The following ARSG variants were observed in gnomAD, a reference collection of about 807,000 sequenced individuals.
ARSG encodes the protein ASG.
Under a neutral mutation model 50.5 loss-of-function variants are expected in ARSG, and 37 were observed. That is an observed-to-expected ratio of 0.73 (90% confidence interval 0.56 to 0.96). ARSG has a LOEUF of 0.96. Ranked by LOEUF, ARSG falls within the 50% of genes least tolerant of loss-of-function variation. The probability of loss-of-function intolerance (pLI) is 0.00; values close to 1 mark genes in which losing one functional copy is unlikely to be tolerated. For missense variants in ARSG, 629 were observed against 675.3 expected (o/e 0.93, Z 0.76); for synonymous variants, 225 against 254.6 (o/e 0.88, Z 1.11).
rs1030989128 is a variant in ARSG at position 68,307,200 on chromosome 17, T to C, written c.-294T>C. On this transcript the variant is annotated 5_prime_UTR_variant, in exon 2 of 12. Transcript: ENST00000621439. ...AATTATTGAACACGACCAGTCATTT[T>C]ACTGAGCTGCGGTGAGGAAACACTG... is the stretch of plus-strand genomic sequence containing the variant. 9 of 373,446 alleles carry C rather than the reference T, an allele frequency of 2.4e-5. No individual in the cohort carries two copies. The highest frequency in any genetic ancestry group is 4.3e-5 in the Admixed American group (1 of 23,226). The allele number at this position is 373,446 out of a possible 1,614,324, so 23.1% of individuals were successfully genotyped here. A position where few individuals can be genotyped will look rare whatever the true frequency, so the allele number is the denominator to read the frequency against.
chr17:68,316,477 A>C (rs1555768566), intron 2 of ARSG, among the ~76,000 whole-genome samples: 1 of 152,208 alleles, frequency 6.6e-6, no homozygotes, highest in East Asian at 1.9e-4. Context: ...GTAGGTGCTC[A>C]AACAATAATT....
chr17:68,265,097 T>C (rs2075130570), intron 1 of ARSG, among the ~76,000 whole-genome samples: 1 of 143,412 alleles, frequency 7.0e-6, no homozygotes, highest in South Asian at 2.2e-4. Flanking sequence ...GAGGTTGCAG[T>C]GAGCGGAGAT....
At chr17:68,377,606 A>G (rs1219065748) in intron 8 of ARSG, among the ~76,000 whole-genome samples, 2 of 152,148 alleles carry the variant, frequency 1.3e-5, no homozygotes, top group Non-Finnish European at 2.9e-5. Context: ...CCTGGCCTCT[A>G]ATGATAACCC....
intron 1 of ARSG, chr17:68,274,188 G>A (rs1178590224): frequency 2.6e-5 from 28 of 1,092,040 alleles, no homozygotes; most frequent in Middle Eastern, 2.9e-4. Flanking sequence ...AAATATGGCC[G>A]AGCGCAGTGG....
At position 68,307,660 on chromosome 17, in the gene ARSG, C is replaced by G; in HGVS notation, c.167C>G (p.Ala56Gly). 1 of 1,610,788 alleles carries G rather than the reference C, an allele frequency of 6.2e-7. No individual in the cohort carries two copies. The highest frequency in any genetic ancestry group is 8.5e-7 in the Non-Finnish European group (1 of 1,177,036). Reference protein sequence around the residue: ...MGWGDLGANWAETKDTANLDK... With the variant: ...MGWGDLGANWGETKDTANLDK... ...TGGGGTGACCTGGGAGCAAACTGGGCAGAAACAAAGGACACTGCCAACCTT... is the reference window on the plus strand; with the variant it reads ...TGGGGTGACCTGGGAGCAAACTGGGGAGAAACAAAGGACACTGCCAACCTT... The change falls in exon 2 of 12, where the codon GCA becomes GGA. Residue 56 changes from alanine to glycine, a missense_variant. Coordinates refer to ENST00000621439, the MANE Select transcript of ARSG (RefSeq NM_001267727.2).
Position 68,275,000 on chromosome 17 carries a change from G to A in ARSG, c.-552+15574G>A, listed in dbSNP as rs540145581. 8.5e-5 allele frequency among the ~76,000 whole-genome samples: 13 copies of A among 152,220 alleles called. No individual in the cohort carries two copies. In the South Asian group the frequency reaches 2.5e-3, roughly 29 times the overall value. ...TCTCCATGTTGGTCAGGCTGGTCTCGAACTACTGACCTCAGGTGATCCGCC... is the reference window on the plus strand; with the variant it reads ...TCTCCATGTTGGTCAGGCTGGTCTCAAACTACTGACCTCAGGTGATCCGCC... On this transcript the variant is annotated intron_variant, in intron 1 of 11. Transcript: ENST00000448504.
chr17:68,318,376 A>T lies in ARSG; in HGVS notation c.218+10665A>T, dbSNP rs140573589. ...TGGTTTCACCTGTGATAAACAAGTG[A>T]CATTATTTCTTGAAAATTCTCAGGC... On this transcript the variant is annotated intron_variant, in intron 2 of 11. Coordinates refer to ENST00000621439, the MANE Select transcript of ARSG (RefSeq NM_001267727.2). Among the ~76,000 whole-genome samples, 345 of 152,348 alleles carry T rather than the reference A, an allele frequency of 2.3e-3. 1 individual carries two copies. Among genetic ancestry groups the T allele is most frequent in the African/African-American group, 7.8e-3 (324 of 41,570 alleles).
the ARSG span, chr17:68,436,354 T>G: frequency 5.3e-5 from 85 of 1,605,090 alleles, no homozygotes; most frequent in African/African-American, 9.2e-4. Context: ...GCAGGTGGGT[T>G]GGCTCAGCCA....
At chr17:68,369,539 C>CA (rs571525030) in intron 7 of ARSG, among the ~76,000 whole-genome samples, 6,338 of 132,622 alleles carry the variant, frequency 0.048, 323 homozygotes, top group Admixed American at 0.13. Flanking sequence ...GACTCTGTCT[C>CA]AAAAAAAAAA....
At chr17:68,411,006 TTCTC>T (rs1010111106) in intron 11 of ARSG, among the ~76,000 whole-genome samples, 2 of 151,862 alleles carry the variant, frequency 1.3e-5, no homozygotes, top group Non-Finnish European at 2.9e-5. Context: ...TATTTGATTC[TTCTC>T]TCTTTTTTTC....
intron 1 of ARSG, among the ~76,000 whole-genome samples, chr17:68,298,305 A>G (rs1477299917): frequency 6.6e-6 from 1 of 152,104 alleles, no homozygotes; most frequent in African/African-American, 2.4e-5. Flanking sequence ...ATGCCATAAT[A>G]AAATACCATG....
the ARSG span, chr17:68,444,519 A>G: frequency 6.2e-7 from 1 of 1,613,994 alleles, no homozygotes. Context: ...AATATCCAGG[A>G]GGGTCTTCAA....
chr17:68,398,243 A>G (rs936561176), intron 10 of ARSG, among the ~76,000 whole-genome samples: 2 of 152,212 alleles, frequency 1.3e-5, no homozygotes, highest in Non-Finnish European at 2.9e-5. Context: ...TATACACTAT[A>G]CATGTGTACA....
At chr17:68,417,557 A>G (rs2082450723) in intron 11 of ARSG, among the ~76,000 whole-genome samples, 1 of 151,638 alleles carries the variant, frequency 6.6e-6, no homozygotes, top group Non-Finnish European at 1.5e-5. Context: ...CAATTTGTCA[A>G]TTACAGTTCA....
the ARSG span, among the ~76,000 whole-genome samples, chr17:68,433,760 G>GTTTTT: frequency 4.4e-4 from 32 of 72,824 alleles, 4 homozygotes; most frequent in African/African-American, 2.0e-3. Context: ...AAGGGTCATA[G>GTTTTT]TTTTTTTTTT....
intron 1 of ARSG, chr17:68,274,359 G>C (rs1385657330): frequency 4.3e-6 from 1 of 233,992 alleles, no homozygotes; most frequent in African/African-American, 2.2e-5. Context: ...CCAGCTACTT[G>C]GCAGGCAGAG....
intron 2 of ARSG, among the ~76,000 whole-genome samples, chr17:68,319,375 G>A (rs2077190928): frequency 6.6e-6 from 1 of 152,142 alleles, no homozygotes; most frequent in Admixed American, 6.6e-5. Flanking sequence ...GAGTAAATAG[G>A]TCAAATAGAA....
chr17:68,426,989 C>T (rs1019436303), downstream of ARSG: 14 of 674,572 alleles, frequency 2.1e-5, no homozygotes, highest in Non-Finnish European at 3.3e-5. Context: ...GAGCACTCCA[C>T]CCCCAGGTAA....
the ARSG span, chr17:68,436,438 C>T: frequency 1.2e-6 from 2 of 1,613,994 alleles, no homozygotes; most frequent in Non-Finnish European, 1.7e-6. Context: ...CCAGGATAGG[C>T]CAGGTAAGAA....
Sources: allele counts gnomAD v4.1 joint callset (sites outside exome capture counted in the v4.1 genomes callset), GRCh38; gene constraint gnomAD v4.1.1; transcripts MANE v1.5; gene names NCBI Gene and HGNC (gene_info 2026-07-23, HGNC 2026-07-21).